The following FMNL2 variants were observed in gnomAD, a reference collection of about 807,000 sequenced individuals.
FMNL2 encodes formin like 2.
FMNL2 carries 51 observed loss-of-function variants against 130.2 expected under a neutral mutation model. The ratio of observed to expected loss-of-function variants is 0.39; its 90% CI spans 0.31 to 0.49. The LOEUF (loss-of-function observed/expected upper bound fraction) is 0.49, where lower values mean the gene tolerates loss of function less well. FMNL2 is among the 20% of genes least tolerant of loss of function. FMNL2 has a pLI of 0.85. For missense variants in FMNL2, 977 were observed against 1,316.2 expected (o/e 0.74, Z 3.99); for synonymous variants, 465 against 467.1 (o/e 1.00, Z 0.06).
intron 1 of FMNL2, among the ~76,000 whole-genome samples, chr2:152,336,927 G>A (rs923755689): frequency 6.6e-6 from 1 of 152,144 alleles, no homozygotes; most frequent in Non-Finnish European, 1.5e-5. Flanking sequence ...TTTGGCAGAG[G>A]ACTCGAGTTC....
chr2:152,541,067 G>C (rs1694286034), intron 2 of FMNL2, among the ~76,000 whole-genome samples: 2 of 152,172 alleles, frequency 1.3e-5, no homozygotes, highest in Non-Finnish European at 2.9e-5. Context: ...GTGATAATCA[G>C]ATTATAAAGA....
At chr2:152,537,568 G>C (rs1694061661) in intron 2 of FMNL2, among the ~76,000 whole-genome samples, 1 of 152,182 alleles carries the variant, frequency 6.6e-6, no homozygotes, top group African/African-American at 2.4e-5. Flanking sequence ...ACATCCTGTA[G>C]AGTGTGCTTA....
At chr2:152,618,310 G>C (rs1264389563) in intron 13 of FMNL2, among the ~76,000 whole-genome samples, 1 of 152,216 alleles carries the variant, frequency 6.6e-6, no homozygotes, top group Non-Finnish European at 1.5e-5. Context: ...TCCTGAGCTT[G>C]GTCAAGGGGG....
At chr2:152,574,097 A>G (rs1469572615) in intron 6 of FMNL2, among the ~76,000 whole-genome samples, 1 of 152,242 alleles carries the variant, frequency 6.6e-6, no homozygotes, top group Non-Finnish European at 1.5e-5. Flanking sequence ...GAACTGGATC[A>G]GTAAATAAAA....
chr2:152,628,345 C>A lies in FMNL2; in HGVS notation c.2212C>A (p.Arg738=), dbSNP rs543308996. 6.2e-6 allele frequency: 10 copies of A among 1,613,874 alleles called. No individual in the cohort carries two copies. The highest frequency in any genetic ancestry group is 8.5e-6 in the Non-Finnish European group (10 of 1,179,890). ...LPVDFVECLM[R]FLPTENEVKV... ...TGTGGACTTTGTGGAATGCTTGATG[C>A]GGTTCCTACCAACTGAGAATGAAGT... is the stretch of plus-strand genomic sequence containing the variant. Residue 738 remains arginine, a synonymous_variant, in exon 18 of 26, where the codon CGG becomes AGG. Coordinates refer to ENST00000288670, the MANE Select transcript of FMNL2 (RefSeq NM_052905.4).
chr2:152,556,591 T>G (rs1371589941), intron 4 of FMNL2, among the ~76,000 whole-genome samples: 1 of 152,198 alleles, frequency 6.6e-6, no homozygotes, highest in African/African-American at 2.4e-5. Context: ...TAACTCTGGC[T>G]GTACTTGGCT....
intron 1 of FMNL2, among the ~76,000 whole-genome samples, chr2:152,393,047 C>T (rs1331437837): frequency 6.6e-6 from 1 of 152,176 alleles, no homozygotes; most frequent in Non-Finnish European, 1.5e-5. Flanking sequence ...TGCTTCGAGT[C>T]ACTTTCTACC....
chr2:152,363,292 T>C (rs1683290097), intron 1 of FMNL2, among the ~76,000 whole-genome samples: 1 of 152,232 alleles, frequency 6.6e-6, no homozygotes, highest in South Asian at 2.1e-4. Context: ...TTTCTAGATG[T>C]TTGGATTATA....
intron 1 of FMNL2, among the ~76,000 whole-genome samples, chr2:152,510,696 A>G (rs1692452802): frequency 6.6e-6 from 1 of 152,216 alleles, no homozygotes; most frequent in Admixed American, 6.5e-5. Context: ...TGAGAGCCAA[A>G]AGCTAAGTGG....
chr2:152,598,518 G>A lies in FMNL2; in HGVS notation c.877-8821G>A, dbSNP rs547056470. Among the ~76,000 whole-genome samples, 16 of 152,200 alleles carry A rather than the reference G, an allele frequency of 1.1e-4. No individual in the cohort carries two copies. In the South Asian group the frequency reaches 1.2e-3, roughly 12 times the overall value. On this transcript the variant is annotated intron_variant, in intron 9 of 25. Coordinates refer to ENST00000288670, the MANE Select transcript of FMNL2 (RefSeq NM_052905.4). The stretch of plus-strand genomic sequence containing the variant: ...AGCCTGGCCAACATGGCGAAACCCC[G>A]TTTCTACTAAAAATACAAAAATTAC...
chr2:152,529,069 G>A (rs1279294565), intron 2 of FMNL2, among the ~76,000 whole-genome samples: 3 of 152,190 alleles, frequency 2.0e-5, no homozygotes, highest in Non-Finnish European at 2.9e-5. Flanking sequence ...GTTAAACAAC[G>A]ACTGCTAGTC....
At chr2:152,397,760 C>G (rs896061914) in intron 1 of FMNL2, among the ~76,000 whole-genome samples, 1 of 152,166 alleles carries the variant, frequency 6.6e-6, no homozygotes, top group Admixed American at 6.5e-5. Flanking sequence ...CACAATACCA[C>G]TGAATCTGTA....
At chr2:152,342,954 A>C (rs985577582) in intron 1 of FMNL2, among the ~76,000 whole-genome samples, 2 of 152,244 alleles carry the variant, frequency 1.3e-5, no homozygotes, top group Non-Finnish European at 2.9e-5. Context: ...CATGACCATC[A>C]GTGTTCACTG....
intron 21 of FMNL2, among the ~76,000 whole-genome samples, chr2:152,633,286 G>A (rs766404209): frequency 1.1e-4 from 17 of 152,016 alleles, no homozygotes; most frequent in Middle Eastern, 3.4e-3. Context: ...TGTAGAGATG[G>A]GGTCTCCCTG....
At chr2:152,429,019 TGA>T (rs1242354752) in intron 1 of FMNL2, among the ~76,000 whole-genome samples, 1 of 151,080 alleles carries the variant, frequency 6.6e-6, no homozygotes, top group East Asian at 1.9e-4. Flanking sequence ...CTGTTGTGTG[TGA>T]GGAGGGAGGA....
At chr2:152,369,588 T>A (rs1272965657) in intron 1 of FMNL2, among the ~76,000 whole-genome samples, 2 of 152,242 alleles carry the variant, frequency 1.3e-5, no homozygotes, top group Non-Finnish European at 2.9e-5. Flanking sequence ...GGTTTATTGG[T>A]GCACTTACTG....
At chr2:152,386,642 AC>A (rs1684799366) in intron 1 of FMNL2, among the ~76,000 whole-genome samples, 1 of 149,828 alleles carries the variant, frequency 6.7e-6, no homozygotes, top group South Asian at 2.1e-4. Context: ...GACTTTCATG[AC>A]CCTACATTTT....
intron 1 of FMNL2, among the ~76,000 whole-genome samples, chr2:152,410,595 T>C (rs1005781601): frequency 2.0e-5 from 3 of 152,234 alleles, no homozygotes; most frequent in Admixed American, 1.3e-4. Flanking sequence ...AGCTAAATCT[T>C]GAATTTGGTA....
At chr2:152,512,173 TG>T (rs1258455547) in intron 1 of FMNL2, among the ~76,000 whole-genome samples, 1 of 152,206 alleles carries the variant, frequency 6.6e-6, no homozygotes, top group African/African-American at 2.4e-5. Flanking sequence ...ACACAGCTCC[TG>T]GCACAGCAGT....
Sources: allele counts gnomAD v4.1 joint callset (sites outside exome capture counted in the v4.1 genomes callset), GRCh38; gene constraint gnomAD v4.1.1; transcripts MANE v1.5; gene names NCBI Gene and HGNC (gene_info 2026-07-23, HGNC 2026-07-21).